MDM2: variants seen among roughly 807,000 people sequenced by gnomAD.
MDM2 encodes E3 ubiquitin-protein ligase Mdm2.
A neutral mutation model predicts 64.3 loss-of-function variants in MDM2; 11 were observed. The observed-to-expected ratio is 0.17, with a 90% CI of 0.11 to 0.28. The LOEUF (loss-of-function observed/expected upper bound fraction) is 0.28. MDM2 is among the 10% of genes least tolerant of loss of function. MDM2 has a pLI of 1.00. For missense variants in MDM2, 388 were observed against 577.1 expected, an observed-to-expected ratio of 0.67 and a Z score of 3.36; for synonymous variants, 194 against 192.9, an observed-to-expected ratio of 1.01 and a Z score of -0.05.
At chr12:68,833,206 A>T (rs2136159970) in intron 8 of MDM2, among the ~76,000 whole-genome samples, 1 of 126,308 alleles carries the variant, frequency 7.9e-6, no homozygotes, top group Admixed American at 8.6e-5. Context: ...ATATATAATT[A>T]TAAATCTATT....
chr12:68,836,053 A>G (rs1318638160), intron 9 of MDM2, 69 bp downstream of exon 9: 2 of 1,284,468 alleles, frequency 1.6e-6, no homozygotes, highest in Non-Finnish European at 2.1e-6. Flanking sequence ...ATTGACTTTG[A>G]GATTGAAATA....
chr12:68,823,556 T>C (rs995736886), intron 5 of MDM2, among the ~76,000 whole-genome samples: 1 of 152,238 alleles, frequency 6.6e-6, no homozygotes, highest in African/African-American at 2.4e-5. Flanking sequence ...TGGAATTTGT[T>C]TTCCATGCCT....
intron 7 of MDM2, among the ~76,000 whole-genome samples, chr12:68,827,275 T>C (rs1034169210): frequency 4.6e-5 from 7 of 150,956 alleles, no homozygotes; most frequent in Non-Finnish European, 1.0e-4. Context: ...CATTTCACTT[T>C]GCATTTCTTT....
intron 5 of MDM2, 47 bp from the exon 6 acceptor site, chr12:68,824,316 G>GCCCCCC: frequency 9.7e-7 from 1 of 1,030,144 alleles, no homozygotes; most frequent in Non-Finnish European, 1.5e-6. Flanking sequence ...GCGCCCCGCC[G>GCCCCCC]CCCCCCGCCC....
intron 5 of MDM2, among the ~76,000 whole-genome samples, chr12:68,823,770 C>A (rs1882069572): frequency 6.6e-6 from 1 of 152,100 alleles, no homozygotes; most frequent in African/African-American, 2.4e-5. Context: ...GGACAAAAAT[C>A]CTTTTTAATG....
chr12:68,834,713 G>T (rs1462813426), intron 8 of MDM2, among the ~76,000 whole-genome samples: 1 of 152,170 alleles, frequency 6.6e-6, no homozygotes, highest in Non-Finnish European at 1.5e-5. Flanking sequence ...CTCCAGCCTG[G>T]GTGATGGAGC....
intron 8 of MDM2, among the ~76,000 whole-genome samples, chr12:68,834,508 G>A (rs572354416): frequency 6.6e-6 from 1 of 151,648 alleles, no homozygotes; most frequent in East Asian, 1.9e-4. Flanking sequence ...AGGCCAAGGC[G>A]GTTGAATTGC....
At chr12:68,846,375 C>G (rs369400566), downstream of MDM2, 3 of 152,314 alleles carry the variant, frequency 2.0e-5, no homozygotes, top group East Asian at 5.8e-4. Flanking sequence ...GTGTAAGCCA[C>G]CACGCCAAGC....
rs1882566096 is a variant in MDM2 at position 68,828,886 on chromosome 12, T to G, written c.639T>G (p.Cys213Trp). 1 of 1,613,928 alleles carries G rather than the reference T, an allele frequency of 6.2e-7. No individual in the cohort carries two copies. The highest frequency in any genetic ancestry group is 1.1e-5 in the South Asian group (1 of 91,086). Residue 213 changes from cysteine to tryptophan, a missense_variant, in exon 8 of 11, where the codon TGT becomes TGG. By Grantham distance (215) the Cys-to-Trp change is radical (BLOSUM62 -2). Around this residue, in one of 5 missense-constraint regions of MDM2, gnomAD observed 168 missense variants for 236.6 expected, o/e 0.71. Transcript: ENST00000258149. ...TGTGTGTAATAAGGGAGATATGTTG[T>G]GAAAGAAGCAGTAGCAGTGAATCTA... The part of the protein sequence containing the change: ...LALCVIREIC[C>W]ERSSSSESTG...
intron 5 of MDM2, 160 bp downstream of exon 5, chr12:68,820,534 T>G: frequency 1.6e-6 from 1 of 608,466 alleles, no homozygotes; most frequent in East Asian, 3.0e-5. Flanking sequence ...ACATATGAAC[T>G]AAAACCACAT....
At chr12:68,833,289 A>T (rs192113915) in intron 8 of MDM2, among the ~76,000 whole-genome samples, 1 of 111,014 alleles carries the variant, frequency 9.0e-6, no homozygotes, top group African/African-American at 3.5e-5. Context: ...AAATATAAAT[A>T]TATATATTTA....
chr12:68,836,921 C>T (rs1883351957), intron 10 of MDM2, among the ~76,000 whole-genome samples, 172 bp downstream of exon 10: 1 of 147,358 alleles, frequency 6.8e-6, no homozygotes, highest in Non-Finnish European at 1.5e-5. Flanking sequence ...AGACCTGTAG[C>T]TATAATTTTT....
rs1031031567 is a variant in MDM2, at chr12:68,843,800, G to C, written c.*3951G>C. The C allele has an allele frequency of 4.5e-6, 1 of 221,250 alleles. No homozygotes were observed. The highest frequency in any genetic ancestry group is 2.2e-5 in the African/African-American group (1 of 44,546). The allele number at this position is 221,250 out of a possible 1,614,324, so 13.7% of individuals were successfully genotyped here. On this transcript the variant is annotated 3_prime_UTR_variant, in exon 11 of 11. Transcript: ENST00000258149. ...ATTATTTGGAGTTGATAATACTTCA[G>C]CTACAACCAAGCAGAATCTCTTTTT...
chr12:68,846,757 A>G (rs998427612), downstream of MDM2: 3 of 151,770 alleles, frequency 2.0e-5, no homozygotes, highest in Admixed American at 1.3e-4. Context: ...TTTTGCTTAA[A>G]CAAAGTTCAT....
At chr12:68,831,428 T>G (rs1327956357) in intron 8 of MDM2, among the ~76,000 whole-genome samples, 4 of 152,264 alleles carry the variant, frequency 2.6e-5, no homozygotes, top group South Asian at 2.1e-4. Context: ...CCCACCCCAG[T>G]CCTTTAATAC....
chr12:68,847,196 T>TTATATATATATATGTATATATATATA (rs1884367358), downstream of MDM2: 1 of 92,080 alleles, frequency 1.1e-5, no homozygotes, highest in Non-Finnish European at 2.1e-5. Context: ...TGTGTGTACA[T>TTATATATATATATGTATATATATATA]TATATATATA....
rs564678837 is a variant in MDM2 at position 68,835,092 on chromosome 12, G to A, written c.685-737G>A. Among the ~76,000 whole-genome samples, 5 of 152,262 alleles carry A rather than the reference G, an allele frequency of 3.3e-5. No individual in the cohort carries two copies. The East Asian group carries it at 7.7e-4, about 23-fold the overall frequency. On this transcript the variant is annotated intron_variant, in intron 8 of 10. Transcript: ENST00000258149. ...AACCCATAAGTATTACAAGTGTTGT[G>A]TCTTGTTACGTGTATTCTACCAATT...
At chr12:68,845,791 T>G (rs762333503), downstream of MDM2, 1 of 153,184 alleles carries the variant, frequency 6.5e-6, no homozygotes, top group Non-Finnish European at 1.5e-5. Context: ...TGAGATGCGG[T>G]CTTGCTCTGT....
At chr12:68,839,199 C>A in intron 10 of MDM2, 75 bp from the exon 11 acceptor site, 3 of 1,394,976 alleles carry the variant, frequency 2.2e-6, no homozygotes, top group Non-Finnish European at 2.9e-6. Context: ...TTAGACATAG[C>A]AAAGTTGCTA....
Sources: allele counts gnomAD v4.1 joint callset (sites outside exome capture counted in the v4.1 genomes callset), GRCh38; gene constraint gnomAD v4.1.1; regional missense constraint gnomAD v4.1.1; transcripts MANE v1.5; gene names NCBI Gene and HGNC (gene_info 2026-07-23, HGNC 2026-07-21).